The following DCDC2 variants were observed in gnomAD, a reference collection of about 807,000 sequenced individuals.
DCDC2 encodes the protein doublecortin domain-containing protein 2.
A neutral mutation model predicts 50.2 loss-of-function variants in DCDC2; 40 were observed. The ratio of observed to expected loss-of-function variants is 0.80; its 90% CI spans 0.62 to 1.04. The LOEUF (loss-of-function observed/expected upper bound fraction) is 1.04, where lower values mean the gene tolerates loss of function less well. Among genes scored for constraint, DCDC2 ranks in the 50% least tolerant of loss-of-function variants. DCDC2 has a pLI of 0.00. For synonymous variants in DCDC2, 234 were observed against 210.6 expected (o/e 1.11, Z -0.96); for missense variants, 570 against 581.9 (o/e 0.98, Z 0.21).
chr6:24,273,826 G>A (rs958223346), intron 7 of DCDC2, among the ~76,000 whole-genome samples: 1 of 152,226 alleles, frequency 6.6e-6, no homozygotes, highest in Non-Finnish European at 1.5e-5. Context: ...AGAAATTCAA[G>A]AGCATGACTG....
rs148995077 is a variant in DCDC2 at position 24,225,247 on chromosome 6, C to A, written c.923-20145G>T. Among the ~76,000 whole-genome samples, 293 of 152,192 alleles carry A rather than the reference C, an allele frequency of 1.9e-3. 1 individual carries two copies. Among genetic ancestry groups the A allele is most frequent in the African/African-American group, 6.8e-3 (283 of 41,514 alleles). On this transcript the variant is annotated intron_variant, in intron 7 of 9. Coordinates refer to ENST00000378454, the MANE Select transcript of DCDC2 (RefSeq NM_016356.5). Reference sequence around the variant, plus strand: ...AATTTCAAGAATGGAACTAAAGGTACCATTTCAGTTAGATATACGATGATA... The same window carrying A: ...AATTTCAAGAATGGAACTAAAGGTAACATTTCAGTTAGATATACGATGATA...
At chr6:24,321,101 G>A (rs570470431) in intron 2 of DCDC2, among the ~76,000 whole-genome samples, 18 of 151,810 alleles carry the variant, frequency 1.2e-4, no homozygotes, top group African/African-American at 3.4e-4. Flanking sequence ...AAATATCTAA[G>A]AATCCATACT....
At chr6:24,229,347 T>C (rs1292267778) in intron 7 of DCDC2, among the ~76,000 whole-genome samples, 1 of 152,184 alleles carries the variant, frequency 6.6e-6, no homozygotes, top group South Asian at 2.1e-4. Flanking sequence ...TTTTACATTA[T>C]CTCTCTGCTT....
At chr6:24,251,373 C>T (rs754072070) in intron 7 of DCDC2, among the ~76,000 whole-genome samples, 6 of 152,124 alleles carry the variant, frequency 3.9e-5, no homozygotes, top group Non-Finnish European at 7.4e-5. Context: ...TATTGTTAAT[C>T]GATTTTGGTC....
chr6:24,299,759 AT>A (rs897056772), intron 4 of DCDC2, among the ~76,000 whole-genome samples: 3 of 151,642 alleles, frequency 2.0e-5, no homozygotes, highest in Admixed American at 2.0e-4. Context: ...ACGAAAAAAA[AT>A]TTTTTTTAAT....
chr6:24,341,152 A>C (rs9379655), intron 2 of DCDC2, among the ~76,000 whole-genome samples: 11,341 of 152,306 alleles, frequency 0.074, 693 homozygotes, highest in East Asian at 0.34. Context: ...AGAAAGAGGG[A>C]AAAAATACAA....
intron 8 of DCDC2, among the ~76,000 whole-genome samples, chr6:24,195,999 T>TA (rs1761426674): frequency 6.6e-6 from 1 of 152,130 alleles, no homozygotes; most frequent in African/African-American, 2.4e-5. Flanking sequence ...TATAGACATA[T>TA]ACACACACAC....
chr6:24,210,004 A>T (rs1761823048), intron 7 of DCDC2, among the ~76,000 whole-genome samples: 1 of 145,012 alleles, frequency 6.9e-6, no homozygotes, highest in African/African-American at 2.5e-5. Flanking sequence ...GCAGCTTTTA[A>T]TGCAGCAGTA....
At chr6:24,256,274 A>ATGTTT (rs10654672) in intron 7 of DCDC2, among the ~76,000 whole-genome samples, 9 of 143,548 alleles carry the variant, frequency 6.3e-5, no homozygotes, top group African/African-American at 1.8e-4. Context: ...GATGCTGGAC[A>ATGTTT]TTTTTTTTTT....
At chr6:24,309,957 C>T (rs73396047) in intron 2 of DCDC2, among the ~76,000 whole-genome samples, 4,034 of 151,920 alleles carry the variant, frequency 0.027, 159 homozygotes, top group African/African-American at 0.089. Flanking sequence ...TAGTGAGACC[C>T]TGTCTATTAA....
At chr6:24,288,718 T>C (rs1763672201) in intron 6 of DCDC2, 134 bp downstream of exon 6, 1 of 724,790 alleles carries the variant, frequency 1.4e-6, no homozygotes, top group African/African-American at 1.8e-5. Context: ...GTTCTAGTGC[T>C]GTTTCACATA....
At chr6:24,215,588 G>A (rs1286878609) in intron 7 of DCDC2, among the ~76,000 whole-genome samples, 3 of 152,164 alleles carry the variant, frequency 2.0e-5, no homozygotes, top group Non-Finnish European at 4.4e-5. Context: ...AGGCAAGACT[G>A]TAGAAAAGAA....
chr6:24,213,414 G>A (rs1761918859), intron 7 of DCDC2, among the ~76,000 whole-genome samples: 1 of 152,034 alleles, frequency 6.6e-6, no homozygotes, highest in East Asian at 1.9e-4. Flanking sequence ...AAAATGTGGG[G>A]AACAAGGAGT....
chr6:24,356,930 G>C (rs991678539), intron 1 of DCDC2: 1 of 152,638 alleles, frequency 6.6e-6, no homozygotes, highest in African/African-American at 2.4e-5. Flanking sequence ...AAACATGCAG[G>C]GGGTGGGAGC....
At chr6:24,282,730 G>C (rs930017918) in intron 6 of DCDC2, among the ~76,000 whole-genome samples, 12 of 134,034 alleles carry the variant, frequency 9.0e-5, no homozygotes, top group African/African-American at 3.2e-4. Flanking sequence ...CAGCCTTCAC[G>C]ATGTATTTCA....
chr6:24,367,053 C>T, the DCDC2 span, among the ~76,000 whole-genome samples: 1 of 152,092 alleles, frequency 6.6e-6, no homozygotes, highest in African/African-American at 2.4e-5. Flanking sequence ...CCAGGCTGGT[C>T]TTGAACTCCT....
chr6:24,358,858 AAT>A (rs373374383), upstream of DCDC2, among the ~76,000 whole-genome samples: 29,666 of 50,326 alleles, frequency 0.59, 8,595 homozygotes, highest in African/African-American at 0.77. Context: ...TATTATATAT[AAT>A]ATATATAATA....
chr6:24,378,874 C>G, the DCDC2 span, among the ~76,000 whole-genome samples: 1 of 150,884 alleles, frequency 6.6e-6, no homozygotes, highest in African/African-American at 2.4e-5. Flanking sequence ...ATTGCTTGAG[C>G]CCAGGAGTTC....
chr6:24,281,998 T>G (rs534121605), intron 6 of DCDC2, among the ~76,000 whole-genome samples: 1 of 152,264 alleles, frequency 6.6e-6, no homozygotes, highest in East Asian at 1.9e-4. Flanking sequence ...TATGGTTCCC[T>G]AAAACAGCCA....
Sources: allele counts gnomAD v4.1 joint callset (sites outside exome capture counted in the v4.1 genomes callset), GRCh38; gene constraint gnomAD v4.1.1; transcripts MANE v1.5; gene names NCBI Gene and HGNC (gene_info 2026-07-23, HGNC 2026-07-21).